SETX: variants seen among roughly 807,000 people sequenced by gnomAD.
SETX encodes helicase senataxin.
Under a neutral mutation model 227.2 loss-of-function variants are expected in SETX, and 90 were observed. The observed-to-expected ratio is 0.40, with a 90% CI of 0.33 to 0.47. The LOEUF is 0.47. SETX is among the 20% of genes least tolerant of loss of function. SETX has a pLI of 0.91. For synonymous variants in SETX, 1,210 were observed against 1,113.2 expected (o/e 1.09, Z -1.73); for missense variants, 3,052 against 3,181.5 (o/e 0.96, Z 0.98).
chr9:132,348,385 A>AAG (rs1848428643), intron 3 of SETX, among the ~76,000 whole-genome samples: 1 of 150,514 alleles, frequency 6.6e-6, no homozygotes, highest in South Asian at 2.1e-4. Context: ...AAACAAAAAA[A>AAG]AAACAACCCA....
Position 132,311,753 on chromosome 9 carries a change from T to G in SETX, c.5374+4A>C. ...TATTCCAAGTTGCGTAAGAAAAAAC[T>G]TACCTGCAAACTCCCAGTATTTTAT... On this transcript the variant is annotated splice_donor_region_variant and intron_variant, in intron 11 of 25. Transcript: ENST00000224140. The G allele has an allele frequency of 6.2e-7, 1 of 1,600,816 alleles. No homozygotes were observed. The highest frequency in any genetic ancestry group is 8.6e-7 in the Non-Finnish European group (1 of 1,168,622).
At chr9:132,350,344 T>C (rs941850638) in intron 2 of SETX, among the ~76,000 whole-genome samples, 1 of 152,158 alleles carries the variant, frequency 6.6e-6, no homozygotes, top group African/African-American at 2.4e-5. Context: ...AGTGAAACTC[T>C]GTCTCAAAAC....
intron 10 of SETX, among the ~76,000 whole-genome samples, chr9:132,320,416 A>G (rs1284936620): frequency 2.0e-5 from 3 of 152,082 alleles, no homozygotes; most frequent in Non-Finnish European, 2.9e-5. Context: ...GCTACTAAAA[A>G]TACAAAAACA....
At chr9:132,318,908 T>C (rs1332744573) in intron 10 of SETX, among the ~76,000 whole-genome samples, 1 of 152,184 alleles carries the variant, frequency 6.6e-6, no homozygotes, top group Non-Finnish European at 1.5e-5. Flanking sequence ...CTGCTCTACT[T>C]ACTATTTCCT....
At chr9:132,276,450 T>C (rs1843165560) in intron 22 of SETX, among the ~76,000 whole-genome samples, 1 of 152,170 alleles carries the variant, frequency 6.6e-6, no homozygotes, top group African/African-American at 2.4e-5. Context: ...AGCCATCCCA[T>C]GATGTAGAAG....
chr9:132,333,638 G>T (rs944478786), intron 7 of SETX, among the ~76,000 whole-genome samples: 2 of 151,880 alleles, frequency 1.3e-5, no homozygotes, highest in Non-Finnish European at 2.9e-5. Flanking sequence ...AAGATTAGAA[G>T]CACTTATTTA....
At chr9:132,350,933 G>A (rs950529458) in intron 2 of SETX, among the ~76,000 whole-genome samples, 13 of 152,162 alleles carry the variant, frequency 8.5e-5, no homozygotes, top group Non-Finnish European at 1.2e-4. Context: ...AGTGATAGCC[G>A]CAGAGTACCG....
chr9:132,327,803 A>C lies in SETX; in HGVS notation c.3795T>G (p.Thr1265=), dbSNP rs757389485. 1 of 1,614,146 alleles carries C rather than the reference A, an allele frequency of 6.2e-7. No individual in the cohort carries two copies. Among genetic ancestry groups the C allele is most frequent in the Admixed American group, 1.7e-5 (1 of 60,018 alleles). Residue 1265 remains threonine, a synonymous_variant, in exon 10 of 26, where the codon ACT becomes ACG. Transcript: ENST00000224140. The part of the protein sequence containing the change: ...RSSNYLSCRT[T]PAIVPPKKFR... Reference sequence around the variant, plus strand: ...ATTTCTTTGGCGGCACTATAGCAGGAGTTGTTCTACAACTTAGGTAATTTG... The same window carrying C: ...ATTTCTTTGGCGGCACTATAGCAGGCGTTGTTCTACAACTTAGGTAATTTG...
intron 20 of SETX, 98 bp from the exon 21 acceptor site, chr9:132,278,355 A>G (rs1190059272): frequency 8.4e-7 from 1 of 1,195,310 alleles, no homozygotes; most frequent in African/African-American, 1.5e-5. Context: ...GTATATGGCA[A>G]CGTTCAGGTA....
At position 132,311,842 on chromosome 9, in the gene SETX, C is replaced by A; in HGVS notation, c.5289G>T (p.Trp1763Cys). The A allele has an allele frequency of 1.2e-6, 2 of 1,612,894 alleles. No homozygotes were observed. The highest frequency in any genetic ancestry group is 1.7e-6 in the Non-Finnish European group (2 of 1,179,348). ...AATTCTCTCTATTTGGAGAGTTGAG[C>A]CATTCTTGTGCCACCTATACAAAGC... ...LNTFETVAQE[W>C]LNSPNRENFY... Residue 1763 changes from tryptophan (W) to cysteine (C), a missense_variant, in exon 11 of 26, where the codon TGG (tryptophan) becomes TGT (cysteine). Physicochemically the swap from Trp to Cys is radical, Grantham distance 215. Around this residue, in one of 10 missense-constraint regions of SETX, gnomAD observed 239 missense variants for 272.1 expected, o/e 0.88. Coordinates refer to ENST00000224140, the MANE Select transcript of SETX (RefSeq NM_015046.7).
At chr9:132,331,241 AGAT>A (rs1847216235) in intron 8 of SETX, 33 bp downstream of exon 8, 2 of 1,612,774 alleles carry the variant, frequency 1.2e-6, no homozygotes, top group African/African-American at 1.3e-5. Context: ...TTTCTTATAG[AGAT>A]GATGTTTAAA....
At chr9:132,265,477 A>C (rs751089121) in intron 25 of SETX, among the ~76,000 whole-genome samples, 137 of 152,234 alleles carry the variant, frequency 9.0e-4, no homozygotes, top group Middle Eastern at 3.4e-3. Context: ...CGCCCGCCTC[A>C]GCTCCCAAAG....
At chr9:132,298,734 G>C (rs1432305786) in intron 12 of SETX, among the ~76,000 whole-genome samples, 1 of 152,230 alleles carries the variant, frequency 6.6e-6, no homozygotes, top group Non-Finnish European at 1.5e-5. Flanking sequence ...ACAGAGATGT[G>C]CCAGGAATAT....
Position 132,330,329 on chromosome 9 carries a change from A to G in SETX, c.1269T>C (p.Asp423=). The change falls in exon 10 of 26, where the codon GAT becomes GAC. Residue 423 remains aspartate, a synonymous_variant. Transcript: ENST00000224140. ...CCTGTGCTATGTAAGCCACACCCAA[A>G]TCCTTAAGATCCATGAGGGACTGGA... ...PFVQSLMDLK[D]LGVAYIAQVV... 1 of 1,613,276 alleles carries G rather than the reference A, an allele frequency of 6.2e-7. No individual in the cohort carries two copies.
In SETX at chr9:132,327,795, A is replaced by T; in HGVS notation, c.3803T>A (p.Ile1268Lys). Reference sequence around the variant, plus strand: ...CTGACGAAATTTCTTTGGCGGCACTATAGCAGGAGTTGTTCTACAACTTAG... The same window carrying T: ...CTGACGAAATTTCTTTGGCGGCACTTTAGCAGGAGTTGTTCTACAACTTAG... Reference protein sequence around the residue: ...NYLSCRTTPAIVPPKKFRQCP... With the variant: ...NYLSCRTTPAKVPPKKFRQCP... Residue 1268 changes from isoleucine (I) to lysine (K), a missense_variant, in exon 10 of 26, where the codon ATA becomes AAA. By Grantham distance (102) the Ile-to-Lys change is moderately radical. Around this residue, in one of 10 missense-constraint regions of SETX, gnomAD observed 1,483 missense variants for 1,312.0 expected, o/e 1.13. Transcript: ENST00000224140. 6.2e-7 allele frequency: 1 copy of T among 1,614,182 alleles called. No homozygotes were observed.
At chr9:132,277,320 C>G (rs1370508673) in intron 21 of SETX, among the ~76,000 whole-genome samples, 168 bp from the exon 22 acceptor site, 1 of 152,136 alleles carries the variant, frequency 6.6e-6, no homozygotes, top group Non-Finnish European at 1.5e-5. Flanking sequence ...AAAACAAATT[C>G]TATTTCTTTC....
intron 2 of SETX, among the ~76,000 whole-genome samples, chr9:132,351,846 C>T (rs931434005): frequency 1.3e-5 from 2 of 152,142 alleles, no homozygotes; most frequent in Non-Finnish European, 2.9e-5. Flanking sequence ...TAGTGAATGA[C>T]AAATGGGTGT....
At chr9:132,281,387 A>G in intron 20 of SETX, 80 bp downstream of exon 20, 1 of 937,696 alleles carries the variant, frequency 1.1e-6, no homozygotes. Context: ...CCAATCCAAG[A>G]AAGATGTCTC....
At chr9:132,286,639 G>A (rs1410588000) in intron 17 of SETX, 145 bp from the exon 18 acceptor site, 4 of 675,244 alleles carry the variant, frequency 5.9e-6, no homozygotes. Flanking sequence ...TACCACTGGA[G>A]TCCTGACACA....
Sources: allele counts gnomAD v4.1 joint callset (sites outside exome capture counted in the v4.1 genomes callset), GRCh38; gene constraint gnomAD v4.1.1; regional missense constraint gnomAD v4.1.1; transcripts MANE v1.5; gene names NCBI Gene and HGNC (gene_info 2026-07-23, HGNC 2026-07-21).